Variants in HPSE2 observed in about 807,000 individuals in gnomAD.
The protein encoded by HPSE2 is inactive heparanase-2.
HPSE2 carries 38 observed loss-of-function variants against 60.5 expected under a neutral mutation model. That is an observed-to-expected ratio of 0.63 (90% CI 0.48 to 0.82). HPSE2 has a LOEUF of 0.82. Among genes scored for constraint, HPSE2 ranks in the 40% least tolerant of loss-of-function variants. The probability of loss-of-function intolerance (pLI) is 0.00; values close to 1 mark genes in which losing one functional copy is unlikely to be tolerated. For synonymous variants in HPSE2, 295 were observed against 293.2 expected (o/e 1.01, Z -0.06); for missense variants, 713 against 740.4 (o/e 0.96, Z 0.43).
chr10:98,796,364 T>C (rs1349685174), intron 3 of HPSE2, among the ~76,000 whole-genome samples: 1 of 152,070 alleles, frequency 6.6e-6, no homozygotes, highest in African/African-American at 2.4e-5. Context: ...GGGCTTTAAG[T>C]GAACATCAGC....
intron 3 of HPSE2, among the ~76,000 whole-genome samples, chr10:99,059,025 T>G (rs778476969): frequency 1.3e-5 from 2 of 152,234 alleles, no homozygotes; most frequent in Non-Finnish European, 1.5e-5. Context: ...GTGTTCCAAT[T>G]TATGAATACT....
intron 3 of HPSE2, among the ~76,000 whole-genome samples, chr10:98,922,832 T>C (rs1269270702): frequency 6.6e-6 from 1 of 152,248 alleles, no homozygotes. Context: ...TTTCTCTTTA[T>C]GTCTTATTGT....
At chr10:99,115,778 A>G (rs936029475) in intron 3 of HPSE2, among the ~76,000 whole-genome samples, 8 of 152,204 alleles carry the variant, frequency 5.3e-5, no homozygotes, top group Non-Finnish European at 1.2e-4. Context: ...CACTTATGTG[A>G]TGGTTTGTAA....
Position 98,929,032 on chromosome 10 carries a change from C to G in HPSE2, c.611-184976G>C, listed in dbSNP as rs1954569928. On this transcript the variant is annotated intron_variant, in intron 3 of 11. Coordinates refer to ENST00000370552, the MANE Select transcript of HPSE2 (RefSeq NM_021828.5). ...TAAATAAATAAATATTTTTTAGTCT[C>G]AAAAATAAAAGGAAAAAAACAAACA... Among the ~76,000 whole-genome samples, 4 of 141,546 alleles carry G rather than the reference C, an allele frequency of 2.8e-5. 1 individual carries two copies. Among genetic ancestry groups the G allele is most frequent in the Middle Eastern group, 3.6e-3 (1 of 276 alleles). 92.9% of individuals were successfully genotyped at this position (141,546 alleles called of 152,430 possible).
At chr10:99,007,184 T>C (rs1956914367) in intron 3 of HPSE2, among the ~76,000 whole-genome samples, 2 of 152,074 alleles carry the variant, frequency 1.3e-5, no homozygotes, top group African/African-American at 2.4e-5. Context: ...ACCTGGAGTG[T>C]AGAGCTTCAG....
chr10:98,859,177 T>G (rs1222817030), intron 3 of HPSE2, among the ~76,000 whole-genome samples: 1 of 152,222 alleles, frequency 6.6e-6, no homozygotes, highest in Non-Finnish European at 1.5e-5. Flanking sequence ...CCGCCATGCT[T>G]ATTTGTTTAT....
chr10:99,252,385 T>C, the HPSE2 span, among the ~76,000 whole-genome samples: 1 of 152,022 alleles, frequency 6.6e-6, no homozygotes, highest in Non-Finnish European at 1.5e-5. Context: ...TCAAACTATC[T>C]CTCTTTATGG....
intron 3 of HPSE2, among the ~76,000 whole-genome samples, chr10:98,853,751 A>G (rs1396914060): frequency 6.6e-6 from 1 of 152,190 alleles, no homozygotes; most frequent in Non-Finnish European, 1.5e-5. Flanking sequence ...GCCACAAGCG[A>G]TAACCCAAAC....
chr10:98,560,373 TC>T (rs2133872109), intron 9 of HPSE2, among the ~76,000 whole-genome samples: 1 of 152,288 alleles, frequency 6.6e-6, no homozygotes, highest in South Asian at 2.1e-4. Context: ...CCAGATTTCA[TC>T]GTGACAAACA....
chr10:98,794,751 G>C (rs938308282), intron 3 of HPSE2, among the ~76,000 whole-genome samples: 2 of 152,092 alleles, frequency 1.3e-5, no homozygotes, highest in African/African-American at 4.8e-5. Context: ...GAGGTACAGA[G>C]TGTCACCTTG....
At chr10:98,862,354 T>C (rs915466132) in intron 3 of HPSE2, among the ~76,000 whole-genome samples, 4 of 152,186 alleles carry the variant, frequency 2.6e-5, no homozygotes, top group African/African-American at 9.7e-5. Context: ...GAAAAATCCC[T>C]AGTTTTGGAT....
At chr10:99,108,440 T>C (rs1346796523) in intron 3 of HPSE2, among the ~76,000 whole-genome samples, 1 of 151,976 alleles carries the variant, frequency 6.6e-6, no homozygotes, top group Non-Finnish European at 1.5e-5. Context: ...TAACACAGTA[T>C]ACCCCTTATG....
intron 3 of HPSE2, among the ~76,000 whole-genome samples, chr10:99,037,079 T>C (rs764706336): frequency 1.3e-5 from 2 of 152,044 alleles, no homozygotes; most frequent in Non-Finnish European, 2.9e-5. Flanking sequence ...TTCCCAAAAA[T>C]CCATAACTTC....
intron 2 of HPSE2, among the ~76,000 whole-genome samples, chr10:99,200,442 G>A (rs1249141507): frequency 3.3e-5 from 5 of 152,042 alleles, no homozygotes; most frequent in Non-Finnish European, 5.9e-5. Flanking sequence ...AGATATTGTA[G>A]AGATTTGGGG....
At chr10:98,992,745 C>T (rs562738899) in intron 3 of HPSE2, among the ~76,000 whole-genome samples, 2 of 152,300 alleles carry the variant, frequency 1.3e-5, no homozygotes, top group East Asian at 3.9e-4. Context: ...CAAGTATTCT[C>T]AATGGTAGCC....
chr10:98,519,896 A>G (rs1356748249), intron 9 of HPSE2, among the ~76,000 whole-genome samples: 3 of 152,238 alleles, frequency 2.0e-5, no homozygotes, highest in Non-Finnish European at 4.4e-5. Flanking sequence ...AGCTGCTTCA[A>G]TTAAAGAATT....
the HPSE2 span, among the ~76,000 whole-genome samples, chr10:99,244,384 T>C: frequency 6.8e-5 from 6 of 88,634 alleles, no homozygotes; most frequent in African/African-American, 3.9e-4. Flanking sequence ...TTATTTCTTT[T>C]ATTATTATTA....
chr10:98,990,816 AGCAAGAAAG>A (rs1956505323), intron 3 of HPSE2, among the ~76,000 whole-genome samples: 1 of 152,218 alleles, frequency 6.6e-6, no homozygotes, highest in Non-Finnish European at 1.5e-5. Flanking sequence ...CCTATTTAAT[AGCAAGAAAG>A]GCATGCTCCA....
intron 3 of HPSE2, among the ~76,000 whole-genome samples, chr10:98,981,497 A>G (rs1429974606): frequency 6.6e-6 from 1 of 152,200 alleles, no homozygotes; most frequent in Non-Finnish European, 1.5e-5. Flanking sequence ...CATTGAAATA[A>G]CATTTATGAA....
Sources: gnomAD v4.1 joint callset for allele counts (sites outside exome capture counted in the v4.1 genomes callset) on GRCh38, gnomAD v4.1.1 for gene constraint, MANE v1.5 for transcripts, NCBI Gene and HGNC (gene_info 2026-07-23, HGNC 2026-07-21) for gene names.